GCNT4: variants seen among roughly 807,000 people sequenced by gnomAD.
The protein encoded by GCNT4 is glucosaminyl (N-acetyl) transferase 4, also known as beta-1,3-galactosyl-O-glycosyl-glycoprotein beta-1,6-N-acetylglucosaminyltransferase 4.
GCNT4 carries 17 observed loss-of-function variants against 31.3 expected under a neutral mutation model. The observed-to-expected ratio is 0.54, with a 90% CI of 0.37 to 0.81. The LOEUF (loss-of-function observed/expected upper bound fraction) is 0.81, where lower values mean the gene tolerates loss of function less well. Among genes scored for constraint, GCNT4 ranks in the 40% least tolerant of loss-of-function variants. GCNT4 has a pLI of 0.00. For missense variants in GCNT4, 503 were observed against 525.5 expected, an observed-to-expected ratio of 0.96 and a Z score of 0.42; for synonymous variants, 158 against 190.6, an observed-to-expected ratio of 0.83 and a Z score of 1.41.
Position 75,029,536 on chromosome 5 carries a change from C to G in GCNT4, c.502G>C (p.Ala168Pro). 4 of 1,614,116 alleles carry G rather than the reference C, an allele frequency of 2.5e-6. No homozygotes were observed. Among genetic ancestry groups the G allele is most frequent in the Non-Finnish European group, 3.4e-6 (4 of 1,180,028 alleles). ...NIYCIHYDRK[A>P]PDTFKVAMNN... ...ATGGCAACTTTGAAGGTATCAGGTGCCTTACGATCATAATGGATGCAGTAA... is the reference window on the plus strand; with the variant it reads ...ATGGCAACTTTGAAGGTATCAGGTGGCTTACGATCATAATGGATGCAGTAA... The change falls in exon 4 of 4, where the codon GCA becomes CCA. Residue 168 changes from alanine to proline, a missense_variant. Coordinates refer to ENST00000652361, the MANE Select transcript of GCNT4 (RefSeq NM_001366737.1).
intron 3 of GCNT4, chr5:75,047,683 A>T (rs182535771): frequency 1.1e-4 from 16 of 152,324 alleles, no homozygotes; most frequent in Admixed American, 9.1e-4. Flanking sequence ...CTCCTCTAAG[A>T]ATCATGTATG....
chr5:75,034,304 C>G (rs1743149754), intron 3 of GCNT4, among the ~76,000 whole-genome samples: 1 of 152,230 alleles, frequency 6.6e-6, no homozygotes, highest in African/African-American at 2.4e-5. Flanking sequence ...AGGGGGTACA[C>G]CCCCAGAGCA....
intron 3 of GCNT4, among the ~76,000 whole-genome samples, chr5:75,040,130 T>C (rs1468490824): frequency 2.0e-5 from 3 of 152,040 alleles, no homozygotes; most frequent in Non-Finnish European, 2.9e-5. Flanking sequence ...GATCCTAGCA[T>C]GACCAGCTGC....
chr5:75,034,449 A>G (rs1265795414), intron 3 of GCNT4, among the ~76,000 whole-genome samples: 8 of 152,200 alleles, frequency 5.3e-5, no homozygotes, highest in Admixed American at 3.9e-4. Context: ...TGTTGGCCAC[A>G]TGGTTCCTAA....
intron 2 of GCNT4, among the ~76,000 whole-genome samples, chr5:75,051,429 G>C (rs1743565681): frequency 6.6e-6 from 1 of 152,176 alleles, no homozygotes; most frequent in African/African-American, 2.4e-5. Context: ...TTCCCGCCTT[G>C]TAGCCTAAGA....
At chr5:75,022,586 A>C (rs547206312), downstream of GCNT4, among the ~76,000 whole-genome samples, 1 of 152,314 alleles carries the variant, frequency 6.6e-6, no homozygotes, top group South Asian at 2.1e-4. Context: ...AGAAAGAGGG[A>C]AAGGCGGGGA....
In GCNT4 at chr5:75,028,544, G is replaced by T; in HGVS notation, c.*132C>A. On this transcript the variant is annotated 3_prime_UTR_variant, in exon 4 of 4. Coordinates refer to ENST00000652361, the MANE Select transcript of GCNT4 (RefSeq NM_001366737.1). ...ATCAAAGGCTAGATCACTTTCCCTTGTGTATGGAATTTTGGACACCTTTTA... is the reference window on the plus strand; with the variant it reads ...ATCAAAGGCTAGATCACTTTCCCTTTTGTATGGAATTTTGGACACCTTTTA... The T allele has an allele frequency of 1.2e-6, 1 of 819,060 alleles. No homozygotes were observed. Among genetic ancestry groups the T allele is most frequent in the Non-Finnish European group, 1.9e-6 (1 of 536,046 alleles). The allele number at this position is 819,060 out of a possible 1,614,324, so 50.7% of individuals were successfully genotyped here.
chr5:75,029,062 C>CA lies in GCNT4; in HGVS notation c.975dup (p.Ala326CysfsTer4). 1 of 1,613,914 alleles carries CA rather than the reference C, an allele frequency of 6.2e-7. No individual in the cohort carries two copies. Among genetic ancestry groups the CA allele is most frequent in the African/African-American group, 1.3e-5 (1 of 74,994 alleles). ...GGAGAGTATGTGTCTTTAGACCAGG[C>CA]AAAAAAGTCTTGAACGATGGAGTTG... On this transcript the variant is annotated frameshift_variant, in exon 4 of 4. Transcript: ENST00000652361. LOFTEE classifies it high-confidence loss of function.
In GCNT4 at chr5:75,048,036, C is replaced by T. The variant is rs1743482338; in HGVS notation, c.-141G>A. On this transcript the variant is annotated splice_region_variant and 5_prime_UTR_variant, in exon 3 of 4. It introduces an in-frame stop codon into an upstream open reading frame of the 5' UTR. Coordinates refer to ENST00000652361, the MANE Select transcript of GCNT4 (RefSeq NM_001366737.1). The stretch of plus-strand genomic sequence containing the variant: ...CGAGGATGTAGTTCTAGAACATGGG[C>T]CCTATAAAGAGAAACCATGTGCAGG... 1 of 152,006 alleles carries T rather than the reference C, an allele frequency of 6.6e-6. No individual in the cohort carries two copies. The highest frequency in any genetic ancestry group is 2.4e-5 in the African/African-American group (1 of 41,358). The allele number at this position is 152,006 out of a possible 1,614,324, so 9.4% of individuals were successfully genotyped here.
chr5:75,019,589 C>T, the GCNT4 span, among the ~76,000 whole-genome samples: 2 of 152,206 alleles, frequency 1.3e-5, no homozygotes, highest in Non-Finnish European at 1.5e-5. Flanking sequence ...CTGTTGGCCT[C>T]CCTGGGGCCC....
chr5:75,048,053 A>T lies in GCNT4; in HGVS notation c.-142-16T>A, dbSNP rs184290953. ...AACATGGGCCCTATAAAGAGAAACC[A>T]TGTGCAGGAGGACTTTAGAATAACA... On this transcript the variant is annotated splice_polypyrimidine_tract_variant and intron_variant, in intron 2 of 3. Coordinates refer to ENST00000652361, the MANE Select transcript of GCNT4 (RefSeq NM_001366737.1). 6.6e-6 allele frequency: 1 copy of T among 152,326 alleles called. No homozygotes were observed. Among genetic ancestry groups the T allele is most frequent in the East Asian group, 1.9e-4 (1 of 5,174 alleles). 9.4% of individuals were successfully genotyped at this position (152,326 alleles called of 1,614,324 possible). A position where few individuals can be genotyped will look rare whatever the true frequency, so the allele number is the denominator to read the frequency against.
At chr5:75,053,128 C>T (rs1020718977), upstream of GCNT4, among the ~76,000 whole-genome samples, 1 of 151,886 alleles carries the variant, frequency 6.6e-6, no homozygotes, top group African/African-American at 2.4e-5. Context: ...GCCCTTTCCC[C>T]CCGCTGGCCT....
chr5:75,051,188 A>C (rs1743562357), intron 2 of GCNT4, among the ~76,000 whole-genome samples: 1 of 151,984 alleles, frequency 6.6e-6, no homozygotes, highest in African/African-American at 2.4e-5. Flanking sequence ...ATGGCTGCTT[A>C]GTTTACACAG....
At chr5:75,053,671 G>A (rs1311925031), upstream of GCNT4, among the ~76,000 whole-genome samples, 1 of 152,032 alleles carries the variant, frequency 6.6e-6, no homozygotes, top group Non-Finnish European at 1.5e-5. Flanking sequence ...CTCTCGCCCG[G>A]CCCGGGGTGG....
downstream of GCNT4, among the ~76,000 whole-genome samples, chr5:75,020,673 C>T (rs1000590853): frequency 3.3e-5 from 5 of 152,094 alleles, no homozygotes; most frequent in Admixed American, 2.6e-4. Flanking sequence ...TTGGCATAGT[C>T]GTGGCCGTGG....
At chr5:75,047,804 C>T (rs1021241586) in intron 3 of GCNT4, 93 bp downstream of exon 3, 1 of 151,958 alleles carries the variant, frequency 6.6e-6, no homozygotes, top group African/African-American at 2.4e-5. Flanking sequence ...GTAGGTAAAG[C>T]AGAGAGAAAT....
chr5:75,029,527 T>C lies in GCNT4; in HGVS notation c.511A>G (p.Thr171Ala), dbSNP rs772813377. ...CIHYDRKAPDTFKVAMNNLAK... is the reference protein window; with the variant it reads ...CIHYDRKAPDAFKVAMNNLAK... ...AAATTGTTCATGGCAACTTTGAAGG[T>C]ATCAGGTGCCTTACGATCATAATGG... The change falls in exon 4 of 4, where the codon ACC becomes GCC. Residue 171 changes from threonine (T) to alanine (A), a missense_variant. Coordinates refer to ENST00000652361, the MANE Select transcript of GCNT4 (RefSeq NM_001366737.1). The C allele has an allele frequency of 3.1e-6, 5 of 1,614,120 alleles. No individual in the cohort carries two copies. Among genetic ancestry groups the C allele is most frequent in the Non-Finnish European group, 4.2e-6 (5 of 1,180,028 alleles).
At chr5:75,034,117 C>T (rs1743145276) in intron 3 of GCNT4, among the ~76,000 whole-genome samples, 1 of 152,218 alleles carries the variant, frequency 6.6e-6, no homozygotes, top group Non-Finnish European at 1.5e-5. Context: ...GAGTTTCTGT[C>T]AAATCCTAAA....
At chr5:75,041,244 C>T (rs1039710507) in intron 3 of GCNT4, among the ~76,000 whole-genome samples, 3 of 152,286 alleles carry the variant, frequency 2.0e-5, no homozygotes, top group African/African-American at 7.2e-5. Context: ...TGTGAATACA[C>T]AAACACACCC....
Sources: allele counts gnomAD v4.1 joint callset (sites outside exome capture counted in the v4.1 genomes callset), GRCh38; gene constraint gnomAD v4.1.1; transcripts MANE v1.5; gene names NCBI Gene and HGNC (gene_info 2026-07-23, HGNC 2026-07-21).